Variants in LSAMP observed in about 807,000 individuals in gnomAD.
The protein encoded by LSAMP is limbic system-associated membrane protein.
LSAMP carries 7 observed loss-of-function variants against 38.6 expected under a neutral mutation model. The observed-to-expected ratio is 0.18, with a 90% CI of 0.10 to 0.34. The LOEUF (loss-of-function observed/expected upper bound fraction) is 0.34, where lower values mean the gene tolerates loss of function less well. Ranked by LOEUF, LSAMP falls within the 10% of genes least tolerant of loss-of-function variation. LSAMP has a pLI of 1.00. For synonymous variants in LSAMP, 154 were observed against 166.8 expected (o/e 0.92, Z 0.59); for missense variants, 313 against 420.0 (o/e 0.75, Z 2.23).
intron 3 of LSAMP, among the ~76,000 whole-genome samples, chr3:116,000,012 G>T (rs1426930674): frequency 2.6e-5 from 4 of 152,158 alleles, no homozygotes; most frequent in Non-Finnish European, 5.9e-5. Flanking sequence ...TTGTGTGTGT[G>T]CATGTATCTG....
chr3:115,820,415 T>C (rs1285419788), intron 6 of LSAMP, among the ~76,000 whole-genome samples: 1 of 152,212 alleles, frequency 6.6e-6, no homozygotes, highest in Non-Finnish European at 1.5e-5. Context: ...ATAGAGAATG[T>C]ACTAGGCTTT....
chr3:115,887,842 A>G (rs1936494528), intron 3 of LSAMP, among the ~76,000 whole-genome samples: 1 of 151,922 alleles, frequency 6.6e-6, no homozygotes, highest in Non-Finnish European at 1.5e-5. Context: ...ACCTGGCTAC[A>G]GTGAGAGCAT....
intron 1 of LSAMP, among the ~76,000 whole-genome samples, chr3:116,216,282 G>T (rs571685512): frequency 9.9e-5 from 15 of 152,068 alleles, no homozygotes; most frequent in Admixed American, 9.2e-4. Context: ...CAGACCCATC[G>T]CTGTCTGGAC....
chr3:116,027,351 A>G (rs1306413830), intron 2 of LSAMP, among the ~76,000 whole-genome samples: 1 of 152,182 alleles, frequency 6.6e-6, no homozygotes, highest in African/African-American at 2.4e-5. Flanking sequence ...AGTTTTTGCC[A>G]CTAATTATTT....
chr3:115,944,823 G>A (rs1244051389), intron 3 of LSAMP, among the ~76,000 whole-genome samples: 1 of 152,120 alleles, frequency 6.6e-6, no homozygotes, highest in African/African-American at 2.4e-5. Flanking sequence ...AACCTCTATG[G>A]TATAGCGCCT....
At chr3:115,861,231 T>C (rs769088965) in intron 3 of LSAMP, among the ~76,000 whole-genome samples, 2 of 146,570 alleles carry the variant, frequency 1.4e-5, no homozygotes, top group African/African-American at 2.5e-5. Flanking sequence ...ACACACCATA[T>C]AGGAAACATG....
At chr3:116,376,131 A>T (rs140577148) in intron 1 of LSAMP, among the ~76,000 whole-genome samples, 1 of 152,142 alleles carries the variant, frequency 6.6e-6, no homozygotes, top group East Asian at 1.9e-4. Flanking sequence ...ACAATCTGTA[A>T]GTTGGAGAGG....
rs367636541 is a variant in LSAMP at position 115,850,854 on chromosome 3, G to A, written c.649+1629C>T. 1.2e-4 allele frequency among the ~76,000 whole-genome samples: 19 copies of A among 152,302 alleles called. No homozygotes were observed. The East Asian group carries it at 2.3e-3, about 19-fold the overall frequency. ...CAGCATAGGCTGCGTAAACTTTAGC[G>A]AGTTTCCTCAGCTCTCCAAGCCTCA... On this transcript the variant is annotated intron_variant, in intron 4 of 6. Transcript: ENST00000490035.
rs1933657831 is a variant in LSAMP at position 115,807,531 on chromosome 3, G to T, written c.*2786C>A. On this transcript the variant is annotated 3_prime_UTR_variant, in exon 7 of 7. Coordinates refer to ENST00000490035, the MANE Select transcript of LSAMP (RefSeq NM_002338.5). The stretch of plus-strand genomic sequence containing the variant: ...AAGACCTTGTCCTCATGATAAAGTG[G>T]AGACAATAAGAAAGCCAGGTATATA... 6.6e-6 allele frequency: 1 copy of T among 152,186 alleles called. No individual in the cohort carries two copies. The highest frequency in any genetic ancestry group is 1.5e-5 in the Non-Finnish European group (1 of 68,034). 9.4% of individuals were successfully genotyped at this position (152,186 alleles called of 1,614,324 possible).
At chr3:116,031,952 T>A (rs567875116) in intron 2 of LSAMP, among the ~76,000 whole-genome samples, 8 of 152,244 alleles carry the variant, frequency 5.3e-5, no homozygotes, top group Middle Eastern at 3.4e-3. Flanking sequence ...AACACAGTAG[T>A]TGCTGCAAAG....
intron 3 of LSAMP, among the ~76,000 whole-genome samples, chr3:115,994,988 C>A (rs1275799666): frequency 6.6e-6 from 1 of 152,018 alleles, no homozygotes; most frequent in Non-Finnish European, 1.5e-5. Context: ...TCGCACAATG[C>A]CCATATTTTC....
At chr3:116,268,163 C>T (rs1432517798) in intron 1 of LSAMP, among the ~76,000 whole-genome samples, 1 of 151,816 alleles carries the variant, frequency 6.6e-6, no homozygotes, top group Non-Finnish European at 1.5e-5. Context: ...CATCCTTTTT[C>T]CAGTTTCTTT....
chr3:116,370,220 G>A (rs1266126651), intron 1 of LSAMP: 2 of 152,152 alleles, frequency 1.3e-5, no homozygotes, highest in East Asian at 3.9e-4. Context: ...GATGTTTGAG[G>A]GAACATAAAA....
intron 1 of LSAMP, among the ~76,000 whole-genome samples, chr3:116,406,532 T>A (rs1368342981): frequency 6.6e-6 from 1 of 152,124 alleles, no homozygotes; most frequent in African/African-American, 2.4e-5. Flanking sequence ...CTGCCTTTTT[T>A]ATTTTTAATT....
chr3:116,276,337 G>A lies in LSAMP; in HGVS notation c.155+168540C>T, dbSNP rs573075020. On this transcript the variant is annotated intron_variant, in intron 1 of 6. Coordinates refer to ENST00000490035, the MANE Select transcript of LSAMP (RefSeq NM_002338.5). ...TGCACAATTAGTCAACATTCAGAACGTATAGATTGTTTTAAGAATTAGTTT... is the reference window on the plus strand; with the variant it reads ...TGCACAATTAGTCAACATTCAGAACATATAGATTGTTTTAAGAATTAGTTT... Among the ~76,000 whole-genome samples the A allele has an allele frequency of 2.6e-5, 4 of 152,268 alleles. 1 individual carries two copies. The South Asian group carries it at 8.3e-4, about 32-fold the overall frequency.
chr3:115,880,181 G>T (rs1480359704), intron 3 of LSAMP, among the ~76,000 whole-genome samples: 2 of 152,002 alleles, frequency 1.3e-5, no homozygotes, highest in Non-Finnish European at 2.9e-5. Flanking sequence ...TGGACACACT[G>T]ATTGATCCAA....
At chr3:116,300,101 A>G (rs1321806047) in intron 1 of LSAMP, among the ~76,000 whole-genome samples, 2 of 152,298 alleles carry the variant, frequency 1.3e-5, no homozygotes, top group East Asian at 3.9e-4. Context: ...GAGACTGAGT[A>G]AAATCAAGCT....
intron 1 of LSAMP, among the ~76,000 whole-genome samples, chr3:116,371,328 A>T (rs141011305): frequency 2.6e-5 from 4 of 152,332 alleles, no homozygotes; most frequent in Non-Finnish European, 5.9e-5. Context: ...ATTCAGCAGC[A>T]TATGAAAGGA....
intron 1 of LSAMP, among the ~76,000 whole-genome samples, chr3:116,385,254 A>T (rs2048610642): frequency 6.6e-6 from 1 of 152,166 alleles, no homozygotes; most frequent in African/African-American, 2.4e-5. Context: ...CATATTCTGG[A>T]TTCAGTTTCT....
Sources: allele counts gnomAD v4.1 joint callset (sites outside exome capture counted in the v4.1 genomes callset), GRCh38; gene constraint gnomAD v4.1.1; transcripts MANE v1.5; gene names NCBI Gene and HGNC (gene_info 2026-07-23, HGNC 2026-07-21).